The following FAM135B variants were observed in gnomAD, a reference collection of about 807,000 sequenced individuals.
FAM135B encodes the protein protein FAM135B.
FAM135B carries 43 observed loss-of-function variants against 127.7 expected under a neutral mutation model. The ratio of observed to expected loss-of-function variants is 0.34; its 90% CI spans 0.26 to 0.43. The LOEUF is 0.43. Among genes scored for constraint, FAM135B ranks in the 20% least tolerant of loss-of-function variants. FAM135B has a pLI of 1.00. For missense variants in FAM135B, 1,558 were observed against 1,725.6 expected (o/e 0.90, Z 1.72); for synonymous variants, 670 against 665.1 (o/e 1.01, Z -0.11).
Position 138,267,324 on chromosome 8 carries a change from T to C in FAM135B, c.158-1482A>G, listed in dbSNP as rs1353049910. Among the ~76,000 whole-genome samples the C allele has an allele frequency of 2.0e-5, 3 of 152,180 alleles. No individual in the cohort carries two copies. In the South Asian group the frequency reaches 6.2e-4, roughly 32 times the overall value. On this transcript the variant is annotated intron_variant, in intron 3 of 19. Transcript: ENST00000395297. The stretch of plus-strand genomic sequence containing the variant: ...ATCCTGATCTCAAACTTCCAATCTC[T>C]AGAACTGTGAAAAATACATTTCTGT...
At chr8:138,403,019 G>A (rs1195113371) in intron 1 of FAM135B, among the ~76,000 whole-genome samples, 1 of 152,142 alleles carries the variant, frequency 6.6e-6, no homozygotes, top group African/African-American at 2.4e-5. Context: ...AACTGAAGCA[G>A]GCCCTTACTA....
intron 6 of FAM135B, among the ~76,000 whole-genome samples, chr8:138,248,399 C>G (rs988424970): frequency 6.6e-6 from 1 of 152,160 alleles, no homozygotes. Flanking sequence ...CATGGCCTCT[C>G]TAGAAGTGGC....
intron 2 of FAM135B, among the ~76,000 whole-genome samples, chr8:138,314,076 A>G (rs1399382150): frequency 6.6e-6 from 1 of 152,302 alleles, no homozygotes; most frequent in Non-Finnish European, 1.5e-5. Flanking sequence ...TCCTAAGGGC[A>G]GGAATGCTGT....
intron 2 of FAM135B, among the ~76,000 whole-genome samples, chr8:138,358,032 A>C (rs922346805): frequency 2.6e-5 from 4 of 152,172 alleles, no homozygotes; most frequent in Non-Finnish European, 5.9e-5. Flanking sequence ...TCATGGCAGA[A>C]GGTGAAAAAG....
intron 1 of FAM135B, among the ~76,000 whole-genome samples, chr8:138,490,771 G>A (rs1294644507): frequency 2.0e-5 from 3 of 152,148 alleles, no homozygotes; most frequent in Non-Finnish European, 2.9e-5. Flanking sequence ...CTAAGTAACT[G>A]AGAATATGAC....
At chr8:138,375,924 A>G (rs1297710200) in intron 1 of FAM135B, among the ~76,000 whole-genome samples, 1 of 152,172 alleles carries the variant, frequency 6.6e-6, no homozygotes, top group East Asian at 1.9e-4. Flanking sequence ...ATTGTGGAAG[A>G]CTGTCGTCAC....
intron 6 of FAM135B, among the ~76,000 whole-genome samples, chr8:138,244,702 C>G (rs1821148016): frequency 6.6e-6 from 1 of 152,196 alleles, no homozygotes; most frequent in African/African-American, 2.4e-5. Flanking sequence ...TATAAAGTGT[C>G]TATGTGAATA....
At chr8:138,313,095 T>G (rs1015196264) in intron 2 of FAM135B, among the ~76,000 whole-genome samples, 1 of 152,218 alleles carries the variant, frequency 6.6e-6, no homozygotes. Context: ...ATGAAAAATA[T>G]AAAACTATTA....
chr8:138,284,178 C>T lies in FAM135B; in HGVS notation c.158-18336G>A, dbSNP rs61159030. ...ACCCTATAATCTAACCTCTTGCATA[C>T]GGCAAAAATCTGAGGGTCACCTTCA... On this transcript the variant is annotated intron_variant, in intron 3 of 19. Transcript: ENST00000395297. Among the ~76,000 whole-genome samples the T allele has an allele frequency of 9.6e-3, 1,460 of 152,196 alleles. 20 individuals carry two copies. The highest frequency in any genetic ancestry group is 0.076 in the East Asian group (394 of 5,160).
chr8:138,343,259 A>G (rs1009151914), intron 2 of FAM135B, among the ~76,000 whole-genome samples: 1 of 152,206 alleles, frequency 6.6e-6, no homozygotes, highest in Non-Finnish European at 1.5e-5. Context: ...GGCTCTCATG[A>G]AGCCTTGGGT....
At chr8:138,216,032 T>G (rs189084653) in intron 7 of FAM135B, among the ~76,000 whole-genome samples, 1 of 152,244 alleles carries the variant, frequency 6.6e-6, no homozygotes, top group Admixed American at 6.5e-5. Context: ...GAACAAACTA[T>G]GTTACAGTGA....
At chr8:138,397,974 C>T (rs577430249) in intron 1 of FAM135B, among the ~76,000 whole-genome samples, 17 of 152,250 alleles carry the variant, frequency 1.1e-4, no homozygotes, top group African/African-American at 4.1e-4. Context: ...AGAAAGTGCA[C>T]CCCAGCTTCC....
chr8:138,300,628 T>A (rs1488397660), intron 3 of FAM135B, among the ~76,000 whole-genome samples: 1 of 152,064 alleles, frequency 6.6e-6, no homozygotes, highest in Non-Finnish European at 1.5e-5. Context: ...ATCATTAGTA[T>A]CAACCTATTA....
At chr8:138,193,058 A>G (rs1288904453) in intron 9 of FAM135B, among the ~76,000 whole-genome samples, 1 of 152,094 alleles carries the variant, frequency 6.6e-6, no homozygotes, top group African/African-American at 2.4e-5. Flanking sequence ...CTCCATCACT[A>G]CCACCCACTA....
intron 3 of FAM135B, among the ~76,000 whole-genome samples, chr8:138,279,908 A>G (rs993055900): frequency 1.3e-5 from 2 of 152,246 alleles, no homozygotes; most frequent in African/African-American, 4.8e-5. Context: ...CCAAATGAGC[A>G]CTTGAGTGTT....
chr8:138,391,489 T>A (rs1016341123), intron 1 of FAM135B, among the ~76,000 whole-genome samples: 2 of 152,068 alleles, frequency 1.3e-5, no homozygotes, highest in Non-Finnish European at 2.9e-5. Context: ...AATTCGCTCC[T>A]CCCTAGCCCT....
chr8:138,205,439 C>T (rs1817479829), intron 7 of FAM135B, among the ~76,000 whole-genome samples: 1 of 152,174 alleles, frequency 6.6e-6, no homozygotes, highest in South Asian at 2.1e-4. Flanking sequence ...TCGAGTTGAA[C>T]TTCTAACTCA....
rs371389875 is a variant in FAM135B, at chr8:138,302,615, C to A, written c.157+8226G>T. On this transcript the variant is annotated intron_variant, in intron 3 of 19. Coordinates refer to ENST00000395297, the MANE Select transcript of FAM135B (RefSeq NM_015912.4). ...GATGAAGATTTGCCTTGATGACCTG[C>A]ACCAGAAATCAGGACACCACAAGTC... Among the ~76,000 whole-genome samples, 20 of 152,278 alleles carry A rather than the reference C, an allele frequency of 1.3e-4. 1 individual carries two copies. Among genetic ancestry groups the A allele is most frequent in the East Asian group, 3.9e-4 (2 of 5,164 alleles).
chr8:138,240,103 A>T (rs186880150), intron 7 of FAM135B, among the ~76,000 whole-genome samples: 27 of 152,308 alleles, frequency 1.8e-4, no homozygotes, highest in Admixed American at 6.5e-4. Context: ...CATATGTAAC[A>T]AACCTGCACA....
Sources: gnomAD v4.1 joint callset for allele counts (sites outside exome capture counted in the v4.1 genomes callset) on GRCh38, gnomAD v4.1.1 for gene constraint, MANE v1.5 for transcripts, NCBI Gene and HGNC (gene_info 2026-07-23, HGNC 2026-07-21) for gene names.